Variants in ELL observed in about 807,000 individuals in gnomAD.
The protein encoded by ELL is RNA polymerase II elongation factor ELL.
In ELL, 18 loss-of-function variants were observed where a neutral mutation model predicts 64.0. The observed-to-expected ratio is 0.28, with a 90% CI of 0.19 to 0.42. The LOEUF (loss-of-function observed/expected upper bound fraction) is 0.42, where lower values mean the gene tolerates loss of function less well. ELL is among the 10% of genes least tolerant of loss of function. ELL has a pLI of 1.00. For missense variants in ELL, 797 were observed against 870.4 expected (o/e 0.92, Z 1.06); for synonymous variants, 399 against 376.2 (o/e 1.06, Z -0.70).
intron 1 of ELL, among the ~76,000 whole-genome samples, chr19:18,489,129 C>T (rs576415482): frequency 2.6e-5 from 4 of 152,314 alleles, no homozygotes; most frequent in East Asian, 1.9e-4. Context: ...CGCCCAATTT[C>T]GGCTCAAGGT....
intron 2 of ELL, among the ~76,000 whole-genome samples, chr19:18,469,076 G>T (rs1480871088): frequency 1.3e-5 from 2 of 152,186 alleles, no homozygotes; most frequent in Non-Finnish European, 2.9e-5. Context: ...CAGGTGTGCA[G>T]CTGTGGCGGG....
At chr19:18,463,656 G>A (rs376113455) in intron 4 of ELL, among the ~76,000 whole-genome samples, 38 of 151,988 alleles carry the variant, frequency 2.5e-4, no homozygotes, top group East Asian at 1.2e-3. Flanking sequence ...AACAGACAGC[G>A]TCCCCTACCA....
chr19:18,476,956 C>T (rs911653050), intron 1 of ELL, among the ~76,000 whole-genome samples: 2 of 152,146 alleles, frequency 1.3e-5, no homozygotes, highest in African/African-American at 4.8e-5. Flanking sequence ...CTCATAAGAA[C>T]GCCATGTGGT....
At position 18,450,705 on chromosome 19, in the gene ELL, G is replaced by A; in HGVS notation, c.1237C>T (p.His413Tyr). The A allele has an allele frequency of 6.3e-7, 1 of 1,586,574 alleles. No homozygotes were observed. Among genetic ancestry groups the A allele is most frequent in the Non-Finnish European group, 8.6e-7 (1 of 1,167,108 alleles). ...GGGGCTGGGGCAGCCGCCTCTCCGTGCTCACAGTCTCGGCCGCTGTGGCCC... is the reference window on the plus strand; with the variant it reads ...GGGGCTGGGGCAGCCGCCTCTCCGTACTCACAGTCTCGGCCGCTGTGGCCC... ...DLGHSGRDCE[H>Y]GEAAAPAPTV... The change falls in exon 8 of 12, where the codon CAC (histidine) becomes TAC (tyrosine). Residue 413 changes from histidine to tyrosine, a missense_variant. Coordinates refer to ENST00000262809, the MANE Select transcript of ELL (RefSeq NM_006532.4).
intron 2 of ELL, among the ~76,000 whole-genome samples, chr19:18,471,566 G>A (rs892628565): frequency 5.3e-5 from 8 of 152,204 alleles, no homozygotes; most frequent in African/African-American, 1.9e-4. Flanking sequence ...TACTTGGGAG[G>A]CTTAGGCAGG....
intron 1 of ELL, among the ~76,000 whole-genome samples, chr19:18,509,077 C>T (rs1975943873): frequency 6.6e-6 from 1 of 152,108 alleles, no homozygotes; most frequent in Admixed American, 6.6e-5. Context: ...ATGGAGCAAA[C>T]ATGAGGTGGA....
At chr19:18,445,294 A>T (rs779925406) in intron 10 of ELL, 26 bp from the exon 11 acceptor site, 23 of 1,613,472 alleles carry the variant, frequency 1.4e-5, no homozygotes, top group Non-Finnish European at 1.9e-5. Context: ...AATTTTGAGA[A>T]AACAGAATGT....
At chr19:18,454,281 C>G (rs910487316) in intron 6 of ELL, among the ~76,000 whole-genome samples, 3 of 151,960 alleles carry the variant, frequency 2.0e-5, no homozygotes, top group Admixed American at 2.0e-4. Flanking sequence ...AGGTGGATCA[C>G]GAGGTCAGGA....
intron 11 of ELL, 118 bp downstream of exon 11, chr19:18,445,106 C>A: frequency 1.6e-5 from 23 of 1,444,320 alleles, no homozygotes; most frequent in Non-Finnish European, 2.0e-5. Flanking sequence ...GCCTCAGACT[C>A]AAAGGCTCTT....
chr19:18,457,458 C>A (rs533826730), intron 6 of ELL, among the ~76,000 whole-genome samples: 2 of 152,328 alleles, frequency 1.3e-5, no homozygotes, highest in East Asian at 3.9e-4. Context: ...CAGGCACTAC[C>A]CTCTCAGGGG....
At chr19:18,490,196 C>T (rs939851053) in intron 1 of ELL, among the ~76,000 whole-genome samples, 2 of 152,104 alleles carry the variant, frequency 1.3e-5, no homozygotes, top group African/African-American at 2.4e-5. Context: ...GTTTCTGCCA[C>T]CTGCCCCTCC....
Position 18,450,710 on chromosome 19 carries a change from C to T in ELL, c.1232G>A (p.Cys411Tyr), listed in dbSNP as rs779727475. The T allele has an allele frequency of 6.3e-7, 1 of 1,585,436 alleles. No individual in the cohort carries two copies. Among genetic ancestry groups the T allele is most frequent in the Non-Finnish European group, 8.6e-7 (1 of 1,166,586 alleles). ...SNDLGHSGRDCEHGEAAAPAP... is the reference protein window; with the variant it reads ...SNDLGHSGRDYEHGEAAAPAP... The stretch of plus-strand genomic sequence containing the variant: ...TGGGGCAGCCGCCTCTCCGTGCTCA[C>T]AGTCTCGGCCGCTGTGGCCCAGGTC... Residue 411 changes from cysteine (C) to tyrosine (Y), a missense_variant, in exon 8 of 12, where the codon TGT becomes TAT. Transcript: ENST00000262809.
Position 18,450,546 on chromosome 19 carries a change from G to A in ELL, c.1396C>T (p.Pro466Ser), listed in dbSNP as rs1568375482. Residue 466 changes from proline (P) to serine (S), a missense_variant, in exon 8 of 12, where the codon CCC (proline) becomes TCC (serine). By Grantham distance (74) the Pro-to-Ser change is moderately conservative. Transcript: ENST00000262809. ...GCACAGTCTGGAAGCTGGGCCCGGG[G>A]CTTGTCCTCAGCCGCCCTCTCCTTG... is the stretch of plus-strand genomic sequence containing the variant. ...KDKERAAEDK[P>S]RAQLPDCAPA... 2 of 1,613,108 alleles carry A rather than the reference G, an allele frequency of 1.2e-6. No homozygotes were observed. The highest frequency in any genetic ancestry group is 1.1e-5 in the South Asian group (1 of 91,090).
intron 1 of ELL, among the ~76,000 whole-genome samples, chr19:18,513,128 G>A (rs1976062206): frequency 6.6e-6 from 1 of 152,160 alleles, no homozygotes; most frequent in African/African-American, 2.4e-5. Flanking sequence ...AGCAAGCCAA[G>A]CGGGGCTGAG....
At chr19:18,462,198 GTGTGTGTGTGTGTGTGTGTGTGTA>G (rs1168400323) in intron 4 of ELL, among the ~76,000 whole-genome samples, 6 of 120,864 alleles carry the variant, frequency 5.0e-5, no homozygotes, top group African/African-American at 1.6e-4. Context: ...GTGTGTGTGT[GTGTGTGTGTGTGTGTGTGTGTGTA>G]TGTAATCACC....
intron 11 of ELL, 97 bp downstream of exon 11, chr19:18,445,127 T>C (rs1325106591): frequency 6.5e-7 from 1 of 1,533,062 alleles, no homozygotes; most frequent in African/African-American, 1.4e-5. Flanking sequence ...CCCCCACACC[T>C]TGGAAGTAGC....
intron 1 of ELL, among the ~76,000 whole-genome samples, chr19:18,516,878 C>T (rs1479929759): frequency 1.3e-5 from 2 of 152,110 alleles, no homozygotes; most frequent in Non-Finnish European, 2.9e-5. Context: ...AGGGGTCAGG[C>T]ACTCACCCAT....
Position 18,507,932 on chromosome 19 carries a change from C to T in ELL, c.135+13989G>A, listed in dbSNP as rs1440536121. Among the ~76,000 whole-genome samples the T allele has an allele frequency of 4.6e-5, 7 of 152,182 alleles. No individual in the cohort carries two copies. The South Asian group carries it at 8.3e-4, about 18-fold the overall frequency. ...GCAGCAGGCTGAGGCTGACTCCATG[C>T]GGCAGCTGCTCCCAACTCCACAAGG... On this transcript the variant is annotated intron_variant, in intron 1 of 11. Coordinates refer to ENST00000262809, the MANE Select transcript of ELL (RefSeq NM_006532.4).
chr19:18,456,237 G>A (rs1974672071), intron 6 of ELL, among the ~76,000 whole-genome samples: 1 of 152,238 alleles, frequency 6.6e-6, no homozygotes, highest in Admixed American at 6.5e-5. Context: ...GACGGATAAG[G>A]CAAGTTTTCA....
Sources: allele counts gnomAD v4.1 joint callset (sites outside exome capture counted in the v4.1 genomes callset), GRCh38; gene constraint gnomAD v4.1.1; transcripts MANE v1.5; gene names NCBI Gene and HGNC (gene_info 2026-07-23, HGNC 2026-07-21).